The following MCCC2 variants were observed in gnomAD, a reference collection of about 807,000 sequenced individuals.
MCCC2 encodes methylcrotonoyl-CoA carboxylase beta chain, mitochondrial.
A neutral mutation model predicts 77.2 loss-of-function variants in MCCC2; 52 were observed. That is an observed-to-expected ratio of 0.67 (90% CI 0.54 to 0.85). The LOEUF (loss-of-function observed/expected upper bound fraction) is 0.85. Among genes scored for constraint, MCCC2 ranks in the 40% least tolerant of loss-of-function variants. MCCC2 has a pLI of 0.00. For synonymous variants in MCCC2, 253 were observed against 248.4 expected (o/e 1.02, Z -0.18); for missense variants, 682 against 703.2 (o/e 0.97, Z 0.34).
Position 71,602,570 on chromosome 5 carries a change from G to T in MCCC2, c.448G>T (p.Val150Leu). 1.9e-6 allele frequency: 3 copies of T among 1,614,132 alleles called. No homozygotes were observed. In the South Asian group the frequency reaches 3.3e-5, roughly 18 times the overall value. The change falls in exon 5 of 17, where the codon GTG (valine) becomes TTG (leucine). Residue 150 changes from valine (V) to leucine (L), a missense_variant. Val to Leu is a conservative substitution (Grantham distance 32). Transcript: ENST00000340941. Reference protein sequence around the residue: ...VKGGAYYPVTVKKQLRAQEIA... With the variant: ...VKGGAYYPVTLKKQLRAQEIA... ...AGGAGGTGCCTACTACCCAGTGACT[G>T]TGAAAAAACAATTACGGGCCCAAGA...
In MCCC2 at chr5:71,641,067, T is replaced by A. The variant is rs751393852; in HGVS notation, c.1064T>A (p.Leu355Ter). Residue 355 changes from leucine (L) to a stop codon, truncating the protein, a stop_gained, in exon 11 of 17, where the codon TTA becomes TAA. Transcript: ENST00000340941. LOFTEE classifies it high-confidence loss of function. ...TEFKAFYGDT[L>*]VTGFARIFGY... ...TTCAAAGCCTTTTATGGAGACACAT[T>A]AGTTACAGGTATAAAGGTGAAGAAT... 35 of 1,613,298 alleles carry A rather than the reference T, an allele frequency of 2.2e-5. No individual in the cohort carries two copies. The highest frequency in any genetic ancestry group is 2.9e-5 in the Non-Finnish European group (34 of 1,179,230).
At chr5:71,600,964 G>C (rs926425229) in intron 4 of MCCC2, among the ~76,000 whole-genome samples, 1 of 152,176 alleles carries the variant, frequency 6.6e-6, no homozygotes, top group Non-Finnish European at 1.5e-5. Context: ...TCCCATTGCC[G>C]AGCCTCAGTG....
chr5:71,589,150 A>T (rs1373999817), intron 1 of MCCC2, among the ~76,000 whole-genome samples: 1 of 152,212 alleles, frequency 6.6e-6, no homozygotes, highest in Non-Finnish European at 1.5e-5. Flanking sequence ...AGAGTTAATA[A>T]CTGAGTGGAA....
At position 71,587,539 on chromosome 5, in the gene MCCC2, C is replaced by G. The variant is rs750638270; in HGVS notation, c.114C>G (p.Gly38=). 1.4e-4 allele frequency: 209 copies of G among 1,537,774 alleles called. 2 individuals carry two copies. Among genetic ancestry groups the G allele is most frequent in the Non-Finnish European group, 1.7e-4 (198 of 1,146,288 alleles). ...CGCTGGGCACCCAGCCGGACTTGGG[C>G]TCTGCCCTCTACCAGGTAGGCTGAG... ...VASLGTQPDL[G]SALYQENYKQ... The change falls in exon 1 of 17, where the codon GGC becomes GGG. Residue 38 remains glycine, a synonymous_variant. Coordinates refer to ENST00000340941, the MANE Select transcript of MCCC2 (RefSeq NM_022132.5).
At chr5:71,642,242 G>C (rs893672540) in intron 11 of MCCC2, among the ~76,000 whole-genome samples, 2 of 151,872 alleles carry the variant, frequency 1.3e-5, no homozygotes, top group Non-Finnish European at 2.9e-5. Flanking sequence ...GAGGCTGGTG[G>C]TGGGAGTTGG....
intron 14 of MCCC2, 123 bp downstream of exon 14, chr5:71,649,376 T>A: frequency 1.0e-6 from 1 of 965,952 alleles, no homozygotes; most frequent in Non-Finnish European, 1.6e-6. Context: ...AATTATACCG[T>A]AATTTGTATC....
intron 6 of MCCC2, among the ~76,000 whole-genome samples, chr5:71,621,239 G>A (rs532084753): frequency 3.3e-5 from 5 of 152,142 alleles, no homozygotes; most frequent in Non-Finnish European, 5.9e-5. Flanking sequence ...GGGCACGGTG[G>A]CTCATGCCTG....
chr5:71,643,748 T>G (rs753445196), intron 11 of MCCC2, 71 bp from the exon 12 acceptor site: 3 of 1,613,350 alleles, frequency 1.9e-6, no homozygotes, highest in South Asian at 1.1e-5. Context: ...TGTGTAAATA[T>G]GCCTCTTTCT....
intron 7 of MCCC2, 40 bp downstream of exon 7, chr5:71,626,793 G>A: frequency 2.0e-6 from 3 of 1,508,620 alleles, no homozygotes; most frequent in Admixed American, 1.7e-5. Flanking sequence ...AATTAAGTAT[G>A]CAGAACATAA....
At chr5:71,599,861 T>C in intron 4 of MCCC2, 101 bp downstream of exon 4, 1 of 948,552 alleles carries the variant, frequency 1.1e-6, no homozygotes, top group Non-Finnish European at 1.7e-6. Context: ...GCGATTTGTA[T>C]GCTATTTATA....
intron 8 of MCCC2, among the ~76,000 whole-genome samples, chr5:71,632,451 G>A (rs1746751288): frequency 6.6e-6 from 1 of 152,196 alleles, no homozygotes; most frequent in Admixed American, 6.5e-5. Context: ...AGCAGGCACT[G>A]TTCTGGGTGC....
chr5:71,645,771 A>G (rs917464110), intron 12 of MCCC2, among the ~76,000 whole-genome samples: 19 of 152,254 alleles, frequency 1.2e-4, no homozygotes, highest in African/African-American at 4.8e-5. Context: ...TCTTAGAGCC[A>G]TGTGCCAGTG....
intron 15 of MCCC2, among the ~76,000 whole-genome samples, chr5:71,650,877 C>T (rs1747419903): frequency 6.6e-6 from 1 of 152,192 alleles, no homozygotes; most frequent in African/African-American, 2.4e-5. Context: ...TCTCGATCTC[C>T]TGCCCTTGTG....
intron 5 of MCCC2, chr5:71,602,881 G>T (rs1229959776): frequency 1.5e-4 from 58 of 397,090 alleles, no homozygotes; most frequent in Middle Eastern, 7.2e-4. Flanking sequence ...GTGTTGTGTG[G>T]TTTTTTTTTT....
At chr5:71,638,896 T>C (rs1580323731) in intron 10 of MCCC2, among the ~76,000 whole-genome samples, 1 of 152,214 alleles carries the variant, frequency 6.6e-6, no homozygotes, top group South Asian at 2.1e-4. Context: ...AGAGTGGATG[T>C]TATAACAGCA....
chr5:71,599,041 G>A (rs1427811763), intron 3 of MCCC2, among the ~76,000 whole-genome samples: 1 of 151,916 alleles, frequency 6.6e-6, no homozygotes, highest in African/African-American at 2.4e-5. Flanking sequence ...CTACAGGCAT[G>A]AGCCACCCCA....
chr5:71,627,611 T>C lies in MCCC2; in HGVS notation c.738+858T>C, dbSNP rs1278504014. On this transcript the variant is annotated intron_variant, in intron 7 of 16. Coordinates refer to ENST00000340941, the MANE Select transcript of MCCC2 (RefSeq NM_022132.5). ...ACCTATGAGTAGAATTGCTGGATCA[T>C]GTGGTAGCTGTGTTTAGCATTTTGA... Among the ~76,000 whole-genome samples, 3 of 152,250 alleles carry C rather than the reference T, an allele frequency of 2.0e-5. No individual in the cohort carries two copies. The East Asian group carries it at 5.8e-4, about 29-fold the overall frequency.
intron 15 of MCCC2, among the ~76,000 whole-genome samples, chr5:71,651,488 G>T (rs924671082): frequency 6.6e-6 from 1 of 152,194 alleles, no homozygotes; most frequent in Admixed American, 6.5e-5. Context: ...GATGATGGTT[G>T]TGTGTTCCTG....
At chr5:71,620,925 G>A (rs934382910) in intron 6 of MCCC2, among the ~76,000 whole-genome samples, 3 of 152,114 alleles carry the variant, frequency 2.0e-5, no homozygotes, top group Non-Finnish European at 2.9e-5. Flanking sequence ...CTGGGTGGAC[G>A]GTAGTCTCTC....
Sources: gnomAD v4.1 joint callset for allele counts (sites outside exome capture counted in the v4.1 genomes callset) on GRCh38, gnomAD v4.1.1 for gene constraint, MANE v1.5 for transcripts, NCBI Gene and HGNC (gene_info 2026-07-23, HGNC 2026-07-21) for gene names.